The following PCSK2 variants were observed in gnomAD, a reference collection of about 807,000 sequenced individuals.
PCSK2 encodes neuroendocrine convertase 2.
PCSK2 carries 14 observed loss-of-function variants against 69.7 expected under a neutral mutation model. The observed-to-expected ratio is 0.20, with a 90% CI of 0.13 to 0.31. The LOEUF is 0.31. PCSK2 is among the 10% of genes least tolerant of loss of function. The pLI, the probability that PCSK2 is intolerant of heterozygous loss-of-function variation, is 1.00. For missense variants in PCSK2, 544 were observed against 842.5 expected, an observed-to-expected ratio of 0.65 and a Z score of 4.39; for synonymous variants, 307 against 320.7, an observed-to-expected ratio of 0.96 and a Z score of 0.46.
In PCSK2 at chr20:17,287,182, A is replaced by G. The variant is rs556512642; in HGVS notation, c.282+26838A>G. Among the ~76,000 whole-genome samples, 343 of 152,304 alleles carry G rather than the reference A, an allele frequency of 2.3e-3. 1 individual carries two copies. The highest frequency in any genetic ancestry group is 3.6e-3 in the Non-Finnish European group (244 of 68,024). ...AAAAAAAAAATACCTTCACAGCAAC[A>G]TCTAAACTAGTGTTTGACCAAACAT... is the stretch of plus-strand genomic sequence containing the variant. On this transcript the variant is annotated intron_variant, in intron 2 of 11. Coordinates refer to ENST00000262545, the MANE Select transcript of PCSK2 (RefSeq NM_002594.5).
intron 2 of PCSK2, among the ~76,000 whole-genome samples, chr20:17,340,649 A>G (rs769683764): frequency 6.6e-6 from 1 of 151,892 alleles, no homozygotes. Context: ...TACAATCTTG[A>G]TGTACATCCT....
intron 11 of PCSK2, among the ~76,000 whole-genome samples, chr20:17,471,302 G>T (rs1475751705): frequency 6.6e-6 from 1 of 152,158 alleles, no homozygotes; most frequent in Non-Finnish European, 1.5e-5. Flanking sequence ...GTCCGGAGAT[G>T]TGATCATCCC....
At chr20:17,231,821 G>A (rs745507936) in intron 1 of PCSK2, among the ~76,000 whole-genome samples, 53 of 152,196 alleles carry the variant, frequency 3.5e-4, no homozygotes, top group African/African-American at 1.1e-3. Context: ...GCATTTTCAC[G>A]GCTTTAAAGG....
At chr20:17,229,314 C>A (rs1205081455) in intron 1 of PCSK2, among the ~76,000 whole-genome samples, 1 of 151,642 alleles carries the variant, frequency 6.6e-6, no homozygotes, top group Non-Finnish European at 1.5e-5. Flanking sequence ...CCCAAGCAAG[C>A]TAGGTGCTTT....
intron 6 of PCSK2, among the ~76,000 whole-genome samples, chr20:17,421,691 C>T (rs553521229): frequency 6.6e-6 from 1 of 151,870 alleles, no homozygotes; most frequent in East Asian, 1.9e-4. Flanking sequence ...GTCTTATCTC[C>T]TTATCTCTGT....
rs549294439 is a variant in PCSK2, at chr20:17,361,041, T to C, written c.505+401T>C. Among the ~76,000 whole-genome samples the C allele has an allele frequency of 2.0e-4, 31 of 152,364 alleles. No homozygotes were observed. The East Asian group carries it at 5.8e-3, about 28-fold the overall frequency. On this transcript the variant is annotated intron_variant, in intron 4 of 11. Transcript: ENST00000262545. ...TGCCTATTTAACTTTACATTTTAAT[T>C]AATTAAAGTTAAATAAAATGTAAAA...
At chr20:17,381,785 C>G (rs1026942952) in intron 5 of PCSK2, among the ~76,000 whole-genome samples, 1 of 152,144 alleles carries the variant, frequency 6.6e-6, no homozygotes, top group Non-Finnish European at 1.5e-5. Context: ...CAACACCCCA[C>G]AAGCATACAC....
intron 2 of PCSK2, among the ~76,000 whole-genome samples, chr20:17,292,190 A>G (rs1185579296): frequency 6.6e-6 from 1 of 152,120 alleles, no homozygotes; most frequent in African/African-American, 2.4e-5. Context: ...TCCAAAATCA[A>G]ATACATATTA....
chr20:17,263,650 C>T (rs1271910063), intron 2 of PCSK2, among the ~76,000 whole-genome samples: 1 of 152,182 alleles, frequency 6.6e-6, no homozygotes, highest in Non-Finnish European at 1.5e-5. Context: ...CTCCCTAGCA[C>T]CTCTTTTACA....
intron 2 of PCSK2, among the ~76,000 whole-genome samples, chr20:17,308,476 C>T (rs956217924): frequency 4.6e-5 from 7 of 152,132 alleles, no homozygotes; most frequent in South Asian, 2.1e-4. Context: ...GCATTCCAGG[C>T]GGAAGTGCAA....
intron 2 of PCSK2, among the ~76,000 whole-genome samples, chr20:17,348,217 T>G (rs2029878425): frequency 6.6e-6 from 1 of 152,186 alleles, no homozygotes; most frequent in African/African-American, 2.4e-5. Context: ...CACTTAGGAA[T>G]GGACTCCAGC....
rs1331912226 is a variant in PCSK2, at chr20:17,387,854, A to C, written c.543+18577A>C. ...CTAGAGGGTAAAATAGACTCCAAAG[A>C]AATAACTACAGAAATAATTATGATC... On this transcript the variant is annotated intron_variant, in intron 5 of 11. Transcript: ENST00000262545. Among the ~76,000 whole-genome samples, 3 of 152,228 alleles carry C rather than the reference A, an allele frequency of 2.0e-5. No homozygotes were observed. The East Asian group carries it at 5.8e-4, about 29-fold the overall frequency.
intron 2 of PCSK2, among the ~76,000 whole-genome samples, chr20:17,302,091 C>T (rs1308181823): frequency 6.6e-6 from 1 of 152,070 alleles, no homozygotes. Context: ...AACATCTCTC[C>T]ATAGGCTGTC....
At chr20:17,253,164 C>G (rs560812720) in intron 1 of PCSK2, among the ~76,000 whole-genome samples, 1 of 152,214 alleles carries the variant, frequency 6.6e-6, no homozygotes, top group South Asian at 2.1e-4. Context: ...CAGTGATAAT[C>G]ACAAAGCTGT....
chr20:17,313,618 G>A (rs762509130), intron 2 of PCSK2, among the ~76,000 whole-genome samples: 2 of 152,124 alleles, frequency 1.3e-5, no homozygotes, highest in Non-Finnish European at 1.5e-5. Flanking sequence ...TTTGCATCCT[G>A]AAGAGGGCAG....
chr20:17,473,335 G>A (rs74181961), intron 11 of PCSK2, among the ~76,000 whole-genome samples: 9,668 of 151,912 alleles, frequency 0.064, 336 homozygotes, highest in Non-Finnish European at 0.083. Flanking sequence ...CTCGTGTTCC[G>A]ACCCCTCGGC....
Position 17,456,460 on chromosome 20 carries a change from G to A in PCSK2, c.1202+12G>A, listed in dbSNP as rs2032924434. 3 of 1,493,374 alleles carry A rather than the reference G, an allele frequency of 2.0e-6. No individual in the cohort carries two copies. Among genetic ancestry groups the A allele is most frequent in the African/African-American group, 1.4e-5 (1 of 72,484 alleles). 92.5% of individuals were successfully genotyped at this position (1,493,374 alleles called of 1,614,324 possible). On this transcript the variant is annotated intron_variant, in intron 10 of 11. Transcript: ENST00000262545. ...GCTCTGGAGGCTAAGTATGTTCATA[G>A]CTCTGGGTCCAGGGCCAGCTCTGCA...
chr20:17,323,751 A>G (rs1344131554), intron 2 of PCSK2, among the ~76,000 whole-genome samples: 2 of 152,214 alleles, frequency 1.3e-5, no homozygotes, highest in Non-Finnish European at 2.9e-5. Context: ...TACAGCCTCC[A>G]GCCTAGGACA....
At chr20:17,440,148 C>T (rs1351045758) in intron 8 of PCSK2, among the ~76,000 whole-genome samples, 3 of 152,210 alleles carry the variant, frequency 2.0e-5, no homozygotes, top group African/African-American at 4.8e-5. Context: ...TCAGACTAGT[C>T]GATGTCTCCA....
Sources: allele counts gnomAD v4.1 joint callset (sites outside exome capture counted in the v4.1 genomes callset), GRCh38; gene constraint gnomAD v4.1.1; transcripts MANE v1.5; gene names NCBI Gene and HGNC (gene_info 2026-07-23, HGNC 2026-07-21).